Variants in QTGAL observed in about 807,000 individuals in gnomAD.
The protein encoded by QTGAL is queuosine-tRNA galactosyltransferase.
At chr17:83,039,319 C>CAGA in the QTGAL span, among the ~76,000 whole-genome samples, 16 of 58,936 alleles carry the variant, frequency 2.7e-4, no homozygotes, top group Non-Finnish European at 5.1e-4. Flanking sequence ...AGACACACTG[C>CAGA]TGGGCGCCCG....
chr17:82,959,202 G>T, the QTGAL span, among the ~76,000 whole-genome samples: 2 of 151,902 alleles, frequency 1.3e-5, no homozygotes, highest in Non-Finnish European at 2.9e-5. Context: ...GTGTGCAGGT[G>T]TTCGGAGTAC....
the QTGAL span, among the ~76,000 whole-genome samples, chr17:83,019,342 G>C: frequency 6.6e-6 from 1 of 152,126 alleles, no homozygotes; most frequent in Non-Finnish European, 1.5e-5. Context: ...CAAAATATCA[G>C]AAAACAAAAG....
the QTGAL span, chr17:83,005,579 T>C: frequency 4.3e-6 from 3 of 702,796 alleles, no homozygotes; most frequent in Admixed American, 6.0e-5. The surrounding 1 kb of genome is among the most constrained non-coding windows in gnomAD (Gnocchi z 5.6). Context: ...ACTCACTTCT[T>C]GAATCACATG....
At chr17:82,988,859 C>T in the QTGAL span, among the ~76,000 whole-genome samples, 1 of 152,184 alleles carries the variant, frequency 6.6e-6, no homozygotes, top group Non-Finnish European at 1.5e-5. Flanking sequence ...ACAACAGATG[C>T]TGGCAAGGCT....
At chr17:83,029,823 C>A in the QTGAL span, among the ~76,000 whole-genome samples, 2 of 152,212 alleles carry the variant, frequency 1.3e-5, no homozygotes, top group Non-Finnish European at 2.9e-5. Context: ...CCCTCTCCAG[C>A]GCAAGCACCA....
the QTGAL span, among the ~76,000 whole-genome samples, chr17:82,967,204 T>C: frequency 6.6e-6 from 1 of 152,146 alleles, no homozygotes; most frequent in African/African-American, 2.4e-5. Flanking sequence ...ACATATCATT[T>C]TGGGGGGACA....
chr17:82,946,748 G>T, the QTGAL span: 1 of 722,770 alleles, frequency 1.4e-6, no homozygotes, highest in South Asian at 2.2e-5. Context: ...ACAGAAGAAA[G>T]GCTGGAAATT....
At chr17:83,032,572 C>G in the QTGAL span, among the ~76,000 whole-genome samples, 1 of 152,214 alleles carries the variant, frequency 6.6e-6, no homozygotes, top group Non-Finnish European at 1.5e-5. Context: ...ACACCCTAAT[C>G]CTGTCACCCA....
the QTGAL span, among the ~76,000 whole-genome samples, chr17:82,969,048 C>A: frequency 1.3e-5 from 2 of 150,884 alleles, no homozygotes; most frequent in South Asian, 4.2e-4. Context: ...GCAGGAGAAT[C>A]GCTTGAACCC....
the QTGAL span, chr17:83,006,379 T>A: frequency 2.0e-6 from 2 of 985,480 alleles, no homozygotes; most frequent in Middle Eastern, 5.2e-4. This position sits in a 1 kb window ranked among gnomAD's most constrained non-coding sequence, Gnocchi z 5.8. Flanking sequence ...GTTGTTGTTT[T>A]TTAATTAAAC....
chr17:82,955,399 A>G, the QTGAL span, among the ~76,000 whole-genome samples: 2 of 152,222 alleles, frequency 1.3e-5, no homozygotes, highest in African/African-American at 4.8e-5. Flanking sequence ...CAAAACCACA[A>G]TGAGATATCA....
chr17:82,957,439 A>G, the QTGAL span: 30 of 1,611,880 alleles, frequency 1.9e-5, no homozygotes, highest in Non-Finnish European at 2.5e-5. Context: ...AAGGCCGCCC[A>G]GCGGGGCAGG....
At chr17:82,993,162 CAA>C in the QTGAL span, among the ~76,000 whole-genome samples, 1 of 151,964 alleles carries the variant, frequency 6.6e-6, no homozygotes, top group African/African-American at 2.4e-5. Context: ...ATTCTCCAAT[CAA>C]AAGACATAGA....
the QTGAL span, among the ~76,000 whole-genome samples, chr17:82,972,447 AC>A: frequency 8.1e-6 from 1 of 123,466 alleles, no homozygotes; most frequent in Non-Finnish European, 1.6e-5. Flanking sequence ...GGCTAGAAGG[AC>A]CTGGTGCTGA....
At chr17:83,049,415 T>G in the QTGAL span, among the ~76,000 whole-genome samples, 2 of 150,658 alleles carry the variant, frequency 1.3e-5, no homozygotes, top group African/African-American at 2.4e-5. Context: ...CTGGTTGGTT[T>G]TTTTTTTTTT....
the QTGAL span, among the ~76,000 whole-genome samples, chr17:82,979,937 A>G: frequency 6.6e-6 from 1 of 152,224 alleles, no homozygotes; most frequent in African/African-American, 2.4e-5. Flanking sequence ...CTGTGGTCAG[A>G]TGGTTTTTTG....
chr17:83,033,285 G>A, the QTGAL span, among the ~76,000 whole-genome samples: 7 of 152,034 alleles, frequency 4.6e-5, no homozygotes, highest in East Asian at 9.6e-4. Flanking sequence ...TGACCCTCCC[G>A]TCCCATGTTA....
chr17:83,050,150 C>G, the QTGAL span, among the ~76,000 whole-genome samples: 1 of 152,130 alleles, frequency 6.6e-6, no homozygotes, highest in African/African-American at 2.4e-5. Flanking sequence ...GCGGGCAGAT[C>G]ATCTGATGTC....
the QTGAL span, chr17:82,946,739 C>T: frequency 3.0e-6 from 2 of 676,242 alleles, no homozygotes; most frequent in Non-Finnish European, 4.8e-6. Flanking sequence ...TTATACATTA[C>T]AGAAGAAAGG....
Sources: gnomAD v4.1 joint callset for allele counts (sites outside exome capture counted in the v4.1 genomes callset) on GRCh38, gnomAD v4.1.1 for gene constraint, Gnocchi (gnomAD v3.1) non-coding constraint, MANE v1.5 for transcripts, NCBI Gene and HGNC (gene_info 2026-07-23, HGNC 2026-07-21) for gene names.